Variants in SPIRE1 observed in about 807,000 individuals in gnomAD.
SPIRE1 encodes spire type actin nucleation factor 1, also known as protein spire homolog 1.
SPIRE1 carries 40 observed loss-of-function variants against 94.1 expected under a neutral mutation model. The observed-to-expected ratio is 0.43, with a 90% CI of 0.33 to 0.55. The LOEUF (loss-of-function observed/expected upper bound fraction) is 0.55. Among genes scored for constraint, SPIRE1 ranks in the 20% least tolerant of loss-of-function variants. The probability of loss-of-function intolerance (pLI) is 0.06; values close to 1 mark genes in which losing one functional copy is unlikely to be tolerated. For synonymous variants in SPIRE1, 376 were observed against 371.7 expected, an observed-to-expected ratio of 1.01 and a Z score of -0.13; for missense variants, 838 against 975.2, an observed-to-expected ratio of 0.86 and a Z score of 1.87.
chr18:12,651,686 CA>C (rs113403601), intron 1 of SPIRE1, among the ~76,000 whole-genome samples: 23 of 151,888 alleles, frequency 1.5e-4, no homozygotes, highest in Middle Eastern at 6.8e-3. Flanking sequence ...AAAACAAAAA[CA>C]AAAAAAACAT....
intron 6 of SPIRE1, among the ~76,000 whole-genome samples, chr18:12,497,250 C>A (rs1039684549): frequency 6.6e-6 from 1 of 152,192 alleles, no homozygotes; most frequent in African/African-American, 2.4e-5. Flanking sequence ...CAGTCTGTCT[C>A]TGATTCTACT....
chr18:12,459,897 G>T, intron 12 of SPIRE1: 1 of 985,862 alleles, frequency 1.0e-6, no homozygotes, highest in Non-Finnish European at 1.2e-6. Flanking sequence ...TCGAAAAGGC[G>T]TCCTTGGCCA....
At position 12,657,664 on chromosome 18, in the gene SPIRE1, G is replaced by C. The variant is rs910125954; in HGVS notation, c.203C>G (p.Ser68Cys). ...GCGGCGGCGGGCGGCGGCGCGCAGG[G>C]AACCGCAGCACTGGTAGCACACGGC... ...AWAVCYQCCG[S>C]LRAAARRRQP... is the part of the protein sequence containing the mutation. Residue 68 changes from serine to cysteine, a missense_variant, in exon 1 of 17, where the codon TCC becomes TGC. Around this residue, in one of 2 missense-constraint regions of SPIRE1, gnomAD observed 193 missense variants for 170.5 expected, o/e 1.13. Coordinates refer to ENST00000409402, the MANE Select transcript of SPIRE1 (RefSeq NM_001128626.2). 7.5e-7 allele frequency: 1 copy of C among 1,335,136 alleles called. No individual in the cohort carries two copies. Among genetic ancestry groups the C allele is most frequent in the African/African-American group, 1.5e-5 (1 of 65,800 alleles). 82.7% of individuals were successfully genotyped at this position (1,335,136 alleles called of 1,614,324 possible). A position where few individuals can be genotyped will look rare whatever the true frequency, so the allele number is the denominator to read the frequency against.
intron 8 of SPIRE1, among the ~76,000 whole-genome samples, chr18:12,489,056 C>T (rs551413251): frequency 6.6e-6 from 1 of 152,196 alleles, no homozygotes; most frequent in African/African-American, 2.4e-5. Context: ...GGCTTGGTGG[C>T]GGGCTCCTGT....
chr18:12,486,529 T>G (rs548927376), intron 8 of SPIRE1, among the ~76,000 whole-genome samples: 111 of 152,342 alleles, frequency 7.3e-4, no homozygotes, highest in African/African-American at 2.4e-3. Context: ...TTGTAGGCCA[T>G]ATAACCTAGT....
intron 2 of SPIRE1, among the ~76,000 whole-genome samples, chr18:12,581,683 G>A (rs1174312028): frequency 6.6e-6 from 1 of 152,090 alleles, no homozygotes; most frequent in East Asian, 1.9e-4. Flanking sequence ...GGCCAATGTG[G>A]CAAAACCCTG....
At chr18:12,483,994 T>C (rs1460443831) in intron 9 of SPIRE1, among the ~76,000 whole-genome samples, 2 of 152,188 alleles carry the variant, frequency 1.3e-5, no homozygotes, top group African/African-American at 4.8e-5. Flanking sequence ...ATAAAAATTC[T>C]CTGCTACCCT....
intron 2 of SPIRE1, among the ~76,000 whole-genome samples, chr18:12,630,732 G>A (rs376931293): frequency 2.9e-4 from 44 of 152,232 alleles, no homozygotes; most frequent in African/African-American, 1.0e-3. Flanking sequence ...AGGAAAGGGA[G>A]GCCCCATGAG....
intron 1 of SPIRE1, among the ~76,000 whole-genome samples, chr18:12,644,740 A>G (rs867022589): frequency 6.6e-6 from 1 of 152,236 alleles, no homozygotes; most frequent in Non-Finnish European, 1.5e-5. Context: ...CATATATTTA[A>G]TATTGTTTTA....
At chr18:12,455,670 C>A (rs1268512806) in intron 12 of SPIRE1, among the ~76,000 whole-genome samples, 4 of 152,150 alleles carry the variant, frequency 2.6e-5, no homozygotes, top group Non-Finnish European at 5.9e-5. Flanking sequence ...CAGAGAAAGA[C>A]AGAACAGTCT....
intron 6 of SPIRE1, among the ~76,000 whole-genome samples, chr18:12,500,815 G>C (rs1002705567): frequency 3.3e-5 from 5 of 152,140 alleles, no homozygotes; most frequent in African/African-American, 1.2e-4. Flanking sequence ...GCTCACGCCT[G>C]TAATCCCAGC....
rs373614947 is a variant in SPIRE1 at position 12,593,376 on chromosome 18, AAAC to A, written c.372+41683_372+41685del. On this transcript the variant is annotated intron_variant, in intron 2 of 16. Coordinates refer to ENST00000409402, the MANE Select transcript of SPIRE1 (RefSeq NM_001128626.2). ...AAGAATTCATTTCCTTGCCAATATGAAACAACAATTTTTAAACATTTTATGTTC... is the reference window on the plus strand; with the variant it reads ...AAGAATTCATTTCCTTGCCAATATGAAACAATTTTTAAACATTTTATGTTC... Among the ~76,000 whole-genome samples, 324 of 152,382 alleles carry A rather than the reference AAAC, an allele frequency of 2.1e-3. 2 individuals carry two copies. The highest frequency in any genetic ancestry group is 7.1e-3 in the African/African-American group (297 of 41,588).
chr18:12,502,107 T>C (rs997637821), intron 6 of SPIRE1, among the ~76,000 whole-genome samples: 6 of 152,194 alleles, frequency 3.9e-5, no homozygotes, highest in African/African-American at 9.7e-5. Context: ...GCTTATAACA[T>C]ACAGATTCCT....
At chr18:12,483,860 T>C (rs115526326) in intron 9 of SPIRE1, among the ~76,000 whole-genome samples, 385 of 152,272 alleles carry the variant, frequency 2.5e-3, no homozygotes, top group African/African-American at 8.9e-3. Flanking sequence ...TTTTAATTAA[T>C]AGTTAAAATG....
At chr18:12,485,504 T>C (rs1020915545) in intron 9 of SPIRE1, among the ~76,000 whole-genome samples, 1 of 152,236 alleles carries the variant, frequency 6.6e-6, no homozygotes, top group Non-Finnish European at 1.5e-5. Flanking sequence ...TCAACTGAGG[T>C]GCTGTCATCT....
Position 12,449,509 on chromosome 18 carries a change from G to A in SPIRE1, c.*129C>T, listed in dbSNP as rs531806405. On this transcript the variant is annotated 3_prime_UTR_variant, in exon 17 of 17. Coordinates refer to ENST00000409402, the MANE Select transcript of SPIRE1 (RefSeq NM_001128626.2). ...TTCAGTCTGTGGAACAATGTGATGC[G>A]GCAAAAATCTGATCTAATGCAAATT... The A allele has an allele frequency of 1.6e-4, 159 of 965,508 alleles. No homozygotes were observed. Among genetic ancestry groups the A allele is most frequent in the Middle Eastern group, 1.0e-3 (3 of 3,012 alleles). 59.8% of individuals were successfully genotyped at this position (965,508 alleles called of 1,614,324 possible). A position where few individuals can be genotyped will look rare whatever the true frequency, so the allele number is the denominator to read the frequency against.
intron 2 of SPIRE1, among the ~76,000 whole-genome samples, chr18:12,563,321 C>CT (rs201789746): frequency 5.3e-4 from 78 of 147,274 alleles, no homozygotes; most frequent in East Asian, 1.6e-3. Context: ...TTATATTAGT[C>CT]TTTTTTTTTT....
rs2031109283 is a variant in SPIRE1 at position 12,449,413 on chromosome 18, G to A, written c.*225C>T. ...CACACACAAAAGTAAGTTTCAAACT[G>A]TTGTCCTCTCTCAGTGCAAACGAGC... On this transcript the variant is annotated 3_prime_UTR_variant, in exon 17 of 17. Coordinates refer to ENST00000409402, the MANE Select transcript of SPIRE1 (RefSeq NM_001128626.2). 3 of 555,128 alleles carry A rather than the reference G, an allele frequency of 5.4e-6. No individual in the cohort carries two copies. In the East Asian group the frequency reaches 9.3e-5, roughly 17 times the overall value. The allele number at this position is 555,128 out of a possible 1,614,324, so 34.4% of individuals were successfully genotyped here.
Position 12,452,242 on chromosome 18 carries a change from G to T in SPIRE1, c.2012+13C>A. 4 of 1,613,276 alleles carry T rather than the reference G, an allele frequency of 2.5e-6. No homozygotes were observed. The highest frequency in any genetic ancestry group is 2.5e-6 in the Non-Finnish European group (3 of 1,179,892). ...TGCAAAGGATGGTTTGACAACCCAG[G>T]CCCCTTGCTCACCTGGCAATGCTCC... is the stretch of plus-strand genomic sequence containing the variant. On this transcript the variant is annotated intron_variant, in intron 16 of 16. Transcript: ENST00000409402.
Sources: allele counts gnomAD v4.1 joint callset (sites outside exome capture counted in the v4.1 genomes callset), GRCh38; gene constraint gnomAD v4.1.1; regional missense constraint gnomAD v4.1.1; transcripts MANE v1.5; gene names NCBI Gene and HGNC (gene_info 2026-07-23, HGNC 2026-07-21).